KIAA1328: variants seen among roughly 807,000 people sequenced by gnomAD.
The protein encoded by KIAA1328 is KIAA1328, also known as protein hinderin.
In KIAA1328, 52 loss-of-function variants were observed where a neutral mutation model predicts 68.1. The ratio of observed to expected loss-of-function variants is 0.76; its 90% CI spans 0.61 to 0.96. The LOEUF is 0.96. Among genes scored for constraint, KIAA1328 ranks in the 40% least tolerant of loss-of-function variants. KIAA1328 has a pLI of 0.00. For synonymous variants in KIAA1328, 232 were observed against 239.4 expected (o/e 0.97, Z 0.28); for missense variants, 641 against 677.6 (o/e 0.95, Z 0.60).
intron 8 of KIAA1328, among the ~76,000 whole-genome samples, chr18:37,161,839 G>A (rs2059285759): frequency 6.6e-6 from 1 of 152,220 alleles, no homozygotes; most frequent in South Asian, 2.1e-4. Flanking sequence ...CAAATAACTT[G>A]TGTTATTGGT....
rs967410179 is a variant in KIAA1328, at chr18:36,835,506, C to A, written c.237+130C>A. 6 of 926,894 alleles carry A rather than the reference C, an allele frequency of 6.5e-6. No individual in the cohort carries two copies. In the East Asian group the frequency reaches 1.6e-4, roughly 24 times the overall value. The allele number at this position is 926,894 out of a possible 1,614,324, so 57.4% of individuals were successfully genotyped here. A position where few individuals can be genotyped will look rare whatever the true frequency, so the allele number is the denominator to read the frequency against. On this transcript the variant is annotated intron_variant, in intron 3 of 9. Transcript: ENST00000280020. ...CATTCTTAAAAGATACAGAGGATTC[C>A]AGGATCCTTTGATGATGCCAGGTTT...
chr18:36,956,553 G>A lies in KIAA1328; in HGVS notation c.449-2755G>A, dbSNP rs931353676. Among the ~76,000 whole-genome samples, 12 of 149,958 alleles carry A rather than the reference G, an allele frequency of 8.0e-5. 1 individual carries two copies. The highest frequency in any genetic ancestry group is 3.0e-4 in the African/African-American group (12 of 40,168). On this transcript the variant is annotated intron_variant, in intron 5 of 9. Transcript: ENST00000280020. ...TAAGGAGGAAGGAAGTGGGGGGGGG[G>A]TGCATTTAGAAATCTGCTATATCAA...
intron 6 of KIAA1328, among the ~76,000 whole-genome samples, chr18:37,055,145 G>A (rs1314978612): frequency 4.6e-5 from 7 of 152,160 alleles, no homozygotes; most frequent in Admixed American, 6.5e-5. Flanking sequence ...CTACAGCTTC[G>A]GCTGCTGAGT....
At chr18:36,867,828 G>A (rs1472872325) in intron 4 of KIAA1328, among the ~76,000 whole-genome samples, 1 of 152,184 alleles carries the variant, frequency 6.6e-6, no homozygotes, top group African/African-American at 2.4e-5. Flanking sequence ...GTGAAAGACA[G>A]TAGTAACAAG....
intron 4 of KIAA1328, among the ~76,000 whole-genome samples, chr18:36,852,727 C>G (rs756439213): frequency 3.3e-5 from 5 of 152,120 alleles, no homozygotes; most frequent in Non-Finnish European, 7.4e-5. Context: ...ATGTTCATCC[C>G]TATGTTCAGT....
rs1310325101 is a variant in KIAA1328, at chr18:36,961,220, T to C, written c.576+1785T>C. On this transcript the variant is annotated intron_variant, in intron 6 of 9. Transcript: ENST00000280020. ...CAAGTGGAAGAAAGGATATCAGTGA[T>C]TGAAGATCAACTTAATGAAATAAAG... Among the ~76,000 whole-genome samples the C allele has an allele frequency of 2.0e-5, 3 of 152,256 alleles. No homozygotes were observed. In the East Asian group the frequency reaches 5.8e-4, roughly 29 times the overall value.
intron 6 of KIAA1328, among the ~76,000 whole-genome samples, chr18:36,975,206 G>A (rs1210540279): frequency 1.5e-5 from 2 of 137,316 alleles, no homozygotes; most frequent in Non-Finnish European, 3.1e-5. Context: ...TTTTTGAGAC[G>A]GAGTCTCGCT....
chr18:36,906,150 T>C (rs1249227936), intron 5 of KIAA1328, among the ~76,000 whole-genome samples: 2 of 152,178 alleles, frequency 1.3e-5, no homozygotes, highest in Non-Finnish European at 2.9e-5. Flanking sequence ...ACATTTGTAA[T>C]ATAGCTAGTA....
intron 5 of KIAA1328, among the ~76,000 whole-genome samples, chr18:36,956,976 A>G (rs140251182): frequency 2.8e-4 from 43 of 152,306 alleles, no homozygotes; most frequent in African/African-American, 1.0e-3. Flanking sequence ...TTAAGATGCC[A>G]AGTATTCAAC....
chr18:36,893,037 A>C (rs2048741290), intron 5 of KIAA1328, among the ~76,000 whole-genome samples: 1 of 152,154 alleles, frequency 6.6e-6, no homozygotes, highest in Non-Finnish European at 1.5e-5. Flanking sequence ...TGTACCCCTG[A>C]ATCTAAAAAA....
At chr18:37,063,395 C>T (rs2056227459) in intron 6 of KIAA1328, among the ~76,000 whole-genome samples, 1 of 152,132 alleles carries the variant, frequency 6.6e-6, no homozygotes, top group South Asian at 2.1e-4. Flanking sequence ...AGATCAAGCA[C>T]ACCCAGGATA....
intron 7 of KIAA1328, among the ~76,000 whole-genome samples, chr18:37,129,246 A>AAAATTATCAAAAACG (rs1243787511): frequency 6.6e-6 from 1 of 152,210 alleles, no homozygotes; most frequent in Non-Finnish European, 1.5e-5. Context: ...CCTTGGAAGT[A>AAAATTATCAAAAACG]AAATTATCAA....
chr18:37,075,307 T>A (rs2056682600), intron 7 of KIAA1328: 1 of 152,170 alleles, frequency 6.6e-6, no homozygotes. Context: ...CCACCAGACT[T>A]GCCCTAAAAG....
intron 6 of KIAA1328, among the ~76,000 whole-genome samples, chr18:37,061,812 G>A (rs1403658583): frequency 6.6e-6 from 1 of 152,062 alleles, no homozygotes; most frequent in African/African-American, 2.4e-5. Context: ...TTTAGTTACT[G>A]TGACCCATAC....
intron 7 of KIAA1328, among the ~76,000 whole-genome samples, chr18:37,149,244 A>G (rs1568467557): frequency 6.6e-6 from 1 of 152,100 alleles, no homozygotes; most frequent in South Asian, 2.1e-4. Context: ...AATAGAAGAC[A>G]CAGAAATAAG....
At chr18:37,059,632 G>A (rs1018542854) in intron 6 of KIAA1328, among the ~76,000 whole-genome samples, 4 of 152,146 alleles carry the variant, frequency 2.6e-5, no homozygotes, top group East Asian at 1.9e-4. Context: ...ACAGTGTGGC[G>A]ATTCCTCAAG....
At chr18:37,103,680 T>A (rs2057689817) in intron 7 of KIAA1328, among the ~76,000 whole-genome samples, 1 of 152,106 alleles carries the variant, frequency 6.6e-6, no homozygotes, top group Admixed American at 6.6e-5. Flanking sequence ...AAAGTTTCTG[T>A]ATAGCAAAGG....
intron 5 of KIAA1328, among the ~76,000 whole-genome samples, chr18:36,954,035 G>A (rs1303435113): frequency 4.1e-5 from 5 of 120,904 alleles, no homozygotes; most frequent in African/African-American, 1.5e-4. Context: ...TCGCTCTGTC[G>A]CCCAGGCCGG....
intron 7 of KIAA1328, among the ~76,000 whole-genome samples, chr18:37,071,976 C>T (rs1599156264): frequency 6.6e-6 from 1 of 152,092 alleles, no homozygotes; most frequent in African/African-American, 2.4e-5. Flanking sequence ...TAAACAGAGT[C>T]TCTCATTGAG....
Sources: allele counts gnomAD v4.1 joint callset (sites outside exome capture counted in the v4.1 genomes callset), GRCh38; gene constraint gnomAD v4.1.1; transcripts MANE v1.5; gene names NCBI Gene and HGNC (gene_info 2026-07-23, HGNC 2026-07-21).